AKAP6: variants seen among roughly 807,000 people sequenced by gnomAD.
AKAP6 encodes A-kinase anchor protein 6.
In AKAP6, 58 loss-of-function variants were observed where a neutral mutation model predicts 188.5. The observed-to-expected ratio is 0.31, with a 90% CI of 0.25 to 0.38. The LOEUF is 0.38. Among genes scored for constraint, AKAP6 ranks in the 10% least tolerant of loss-of-function variants. The pLI is 1.00. For synonymous variants in AKAP6, 989 were observed against 998.6 expected (o/e 0.99, Z 0.18); for missense variants, 2,710 against 2,740.0 (o/e 0.99, Z 0.24).
At chr14:32,350,839 G>A (rs1887241180) in intron 1 of AKAP6, among the ~76,000 whole-genome samples, 1 of 152,056 alleles carries the variant, frequency 6.6e-6, no homozygotes, top group African/African-American at 2.4e-5. Flanking sequence ...AAAAATCAGA[G>A]GATGGTAGGA....
chr14:32,378,972 G>A (rs1305596663), intron 1 of AKAP6, among the ~76,000 whole-genome samples: 1 of 146,016 alleles, frequency 6.8e-6, no homozygotes, highest in East Asian at 2.0e-4. Context: ...AGGCTAGAGT[G>A]CAGTGGTGCG....
chr14:32,770,621 T>G (rs2032868565), intron 11 of AKAP6, among the ~76,000 whole-genome samples: 1 of 152,212 alleles, frequency 6.6e-6, no homozygotes, highest in South Asian at 2.1e-4. Context: ...TGTTTTCCAC[T>G]TTAACATACC....
intron 1 of AKAP6, among the ~76,000 whole-genome samples, chr14:32,356,032 C>G (rs1887472931): frequency 6.6e-6 from 1 of 152,172 alleles, no homozygotes; most frequent in African/African-American, 2.4e-5. Flanking sequence ...CTTGCCTCAG[C>G]CTCCAAAGTG....
intron 2 of AKAP6, among the ~76,000 whole-genome samples, chr14:32,441,424 A>T (rs916739952): frequency 2.6e-5 from 4 of 152,228 alleles, no homozygotes; most frequent in African/African-American, 9.6e-5. Flanking sequence ...TGTGGGAAAA[A>T]GTCTATCTCA....
At chr14:32,779,541 G>A (rs1366217160) in intron 12 of AKAP6, among the ~76,000 whole-genome samples, 2 of 151,998 alleles carry the variant, frequency 1.3e-5, no homozygotes, top group African/African-American at 4.8e-5. Flanking sequence ...AGTAAACAGT[G>A]TAGATTTCAG....
At chr14:32,631,845 T>G (rs1887286305) in intron 7 of AKAP6, among the ~76,000 whole-genome samples, 2 of 152,154 alleles carry the variant, frequency 1.3e-5, no homozygotes, top group South Asian at 4.1e-4. Flanking sequence ...AGGCTGTGAG[T>G]TGTTAATGTT....
intron 13 of AKAP6, among the ~76,000 whole-genome samples, chr14:32,827,843 C>A (rs571892430): frequency 6.6e-6 from 1 of 152,250 alleles, no homozygotes; most frequent in East Asian, 1.9e-4. Context: ...AATGGTTTAA[C>A]CCTAAACTTC....
At chr14:32,533,561 TG>T (rs1393786072) in intron 2 of AKAP6, among the ~76,000 whole-genome samples, 2 of 151,952 alleles carry the variant, frequency 1.3e-5, no homozygotes, top group Non-Finnish European at 2.9e-5. Flanking sequence ...TACAACAGAA[TG>T]GGGGGAAGTG....
chr14:32,452,656 A>G (rs965816965), intron 2 of AKAP6, among the ~76,000 whole-genome samples: 2 of 152,128 alleles, frequency 1.3e-5, no homozygotes, highest in Non-Finnish European at 2.9e-5. Flanking sequence ...CAGAAAAAAA[A>G]AGAAGGAAAA....
intron 1 of AKAP6, among the ~76,000 whole-genome samples, chr14:32,423,210 C>T (rs1443255686): frequency 6.6e-6 from 1 of 152,122 alleles, no homozygotes; most frequent in African/African-American, 2.4e-5. Context: ...CACTTTGTCA[C>T]CCAGGCTGGA....
At chr14:32,735,589 T>A in intron 10 of AKAP6, 69 bp from the exon 11 acceptor site, 1 of 1,260,150 alleles carries the variant, frequency 7.9e-7, no homozygotes, top group East Asian at 2.4e-5. Flanking sequence ...TGTTTTTGTT[T>A]TTTTGTTGTT....
chr14:32,810,003 C>G (rs11626702), intron 12 of AKAP6, among the ~76,000 whole-genome samples: 33,021 of 152,118 alleles, frequency 0.22, 4,486 homozygotes, highest in Non-Finnish European at 0.3. Context: ...GCGCTGGAAG[C>G]AAGCAAAGCA....
At chr14:32,610,117 T>C (rs1417163658) in intron 7 of AKAP6, among the ~76,000 whole-genome samples, 1 of 152,176 alleles carries the variant, frequency 6.6e-6, no homozygotes, top group Non-Finnish European at 1.5e-5. Context: ...TGCTTGTTCA[T>C]TCTTCCCAAC....
At chr14:32,391,393 C>T (rs1367963770) in intron 1 of AKAP6, among the ~76,000 whole-genome samples, 1 of 152,192 alleles carries the variant, frequency 6.6e-6, no homozygotes, top group Non-Finnish European at 1.5e-5. Context: ...GTGTCTTCAA[C>T]AGCAGTAGCT....
At chr14:32,746,551 ACAGT>A (rs1260828137) in intron 11 of AKAP6, among the ~76,000 whole-genome samples, 1 of 152,146 alleles carries the variant, frequency 6.6e-6, no homozygotes, top group Non-Finnish European at 1.5e-5. Flanking sequence ...GAGATGCAAG[ACAGT>A]CAGAGTGGAT....
chr14:32,832,983 C>T lies in AKAP6; in HGVS notation c.*3178C>T, dbSNP rs142148585. The stretch of plus-strand genomic sequence containing the variant: ...AGAAAAGAATCTGAACATTTAAGTG[C>T]GAAGTTTTCTCTAGAAATATATTCA... On this transcript the variant is annotated 3_prime_UTR_variant, in exon 14 of 14. Transcript: ENST00000280979. 4 of 152,614 alleles carry T rather than the reference C, an allele frequency of 2.6e-5. No individual in the cohort carries two copies. Among genetic ancestry groups the T allele is most frequent in the Non-Finnish European group, 4.4e-5 (3 of 68,024 alleles). 9.5% of individuals were successfully genotyped at this position (152,614 alleles called of 1,614,324 possible). A position where few individuals can be genotyped will look rare whatever the true frequency, so the allele number is the denominator to read the frequency against.
chr14:32,596,913 T>C (rs749479137), intron 5 of AKAP6, among the ~76,000 whole-genome samples: 22 of 152,234 alleles, frequency 1.4e-4, no homozygotes, highest in Non-Finnish European at 2.5e-4. Context: ...TTAATGTGTC[T>C]GCTCGTCTGC....
At chr14:32,375,273 C>G (rs1254914338) in intron 1 of AKAP6, among the ~76,000 whole-genome samples, 1 of 152,042 alleles carries the variant, frequency 6.6e-6, no homozygotes, top group Non-Finnish European at 1.5e-5. Flanking sequence ...ACACATAATA[C>G]AGAAGGGAAA....
At chr14:32,531,150 A>T (rs1285449992) in intron 2 of AKAP6, among the ~76,000 whole-genome samples, 5 of 152,228 alleles carry the variant, frequency 3.3e-5, no homozygotes, top group Admixed American at 6.5e-5. Context: ...ATTATGCTAT[A>T]TGTGAATTAA....
Sources: gnomAD v4.1 joint callset for allele counts (sites outside exome capture counted in the v4.1 genomes callset) on GRCh38, gnomAD v4.1.1 for gene constraint, MANE v1.5 for transcripts, NCBI Gene and HGNC (gene_info 2026-07-23, HGNC 2026-07-21) for gene names.